PDE3A: variants seen among roughly 807,000 people sequenced by gnomAD.
PDE3A encodes the protein cGMP-inhibited 3',5'-cyclic phosphodiesterase 3A.
PDE3A carries 43 observed loss-of-function variants against 98.3 expected under a neutral mutation model. That is an observed-to-expected ratio of 0.44 (90% CI 0.34 to 0.56). The LOEUF (loss-of-function observed/expected upper bound fraction) is 0.56. Ranked by LOEUF, PDE3A falls within the 20% of genes least tolerant of loss-of-function variation. The pLI, the probability that PDE3A is intolerant of heterozygous loss-of-function variation, is 0.01. For missense variants in PDE3A, 1,427 were observed against 1,440.7 expected (o/e 0.99, Z 0.15); for synonymous variants, 663 against 567.9 (o/e 1.17, Z -2.38).
chr12:20,439,488 A>G (rs545574516), intron 1 of PDE3A, among the ~76,000 whole-genome samples: 2 of 152,306 alleles, frequency 1.3e-5, no homozygotes, highest in East Asian at 3.9e-4. Flanking sequence ...CTACGGTAGC[A>G]TTTGAGGAAA....
intron 1 of PDE3A, among the ~76,000 whole-genome samples, chr12:20,394,203 A>G (rs1271249273): frequency 6.6e-6 from 1 of 151,984 alleles, no homozygotes; most frequent in African/African-American, 2.4e-5. Flanking sequence ...GGTCATTTAG[A>G]TTTTACTTTT....
rs1324237250 is a variant in PDE3A at position 20,634,869 on chromosome 12, A to T, written c.1847-33A>T. 4 of 1,556,436 alleles carry T rather than the reference A, an allele frequency of 2.6e-6. No homozygotes were observed. In the East Asian group the frequency reaches 9.0e-5, roughly 35 times the overall value. On this transcript the variant is annotated intron_variant, in intron 7 of 15. Transcript: ENST00000359062. The stretch of plus-strand genomic sequence containing the variant: ...AATGAGCCCCCTTTCCCCATTGTAG[A>T]TCTTGTAATAAGTTGTTCTCTTTTA...
intron 9 of PDE3A, among the ~76,000 whole-genome samples, chr12:20,638,599 C>T (rs963966272): frequency 2.0e-5 from 3 of 152,066 alleles, no homozygotes; most frequent in African/African-American, 7.2e-5. Context: ...CTTTAGGGAT[C>T]CCCCTGGGAG....
intron 15 of PDE3A, 29 bp from the exon 16 acceptor site, chr12:20,680,001 T>C (rs1188269916): frequency 1.3e-6 from 2 of 1,535,724 alleles, no homozygotes; most frequent in East Asian, 2.4e-5. Flanking sequence ...AGTAGTCTGA[T>C]TTGGTGTTTT....
Position 20,400,417 on chromosome 12 carries a change from T to C in PDE3A, c.960+30173T>C, listed in dbSNP as rs1365421544. On this transcript the variant is annotated intron_variant, in intron 1 of 15. Coordinates refer to ENST00000359062, the MANE Select transcript of PDE3A (RefSeq NM_000921.5). ...TTTTTTTTTTTTTTTTTTTTTTTTT[T>C]TTTTTTTGAGATGGAGTCTCGATCT... Among the ~76,000 whole-genome samples, 3 of 57,190 alleles carry C rather than the reference T, an allele frequency of 5.2e-5. No homozygotes were observed. The East Asian group carries it at 2.0e-3, about 37-fold the overall frequency. 37.5% of individuals were successfully genotyped at this position (57,190 alleles called of 152,430 possible). A position where few individuals can be genotyped will look rare whatever the true frequency, so the allele number is the denominator to read the frequency against.
At chr12:20,554,189 A>T (rs549593971) in intron 1 of PDE3A, among the ~76,000 whole-genome samples, 1 of 151,594 alleles carries the variant, frequency 6.6e-6, no homozygotes, top group African/African-American at 2.4e-5. Flanking sequence ...TTTAAATCAC[A>T]TACCTGCAGA....
chr12:20,546,290 C>T (rs1442838346), intron 1 of PDE3A, among the ~76,000 whole-genome samples: 2 of 151,826 alleles, frequency 1.3e-5, no homozygotes, highest in African/African-American at 4.8e-5. Context: ...CAAATGCAGA[C>T]TTCCACTCTT....
intron 1 of PDE3A, among the ~76,000 whole-genome samples, chr12:20,508,017 G>C (rs1323290778): frequency 1.3e-5 from 2 of 152,010 alleles, no homozygotes; most frequent in African/African-American, 4.8e-5. Context: ...TTGCCTACAT[G>C]GCCTGTGCAA....
At chr12:20,471,875 G>T (rs1945445490) in intron 1 of PDE3A, among the ~76,000 whole-genome samples, 1 of 151,960 alleles carries the variant, frequency 6.6e-6, no homozygotes. Flanking sequence ...CAGCTACTGT[G>T]TTGGCACTCA....
At chr12:20,665,201 G>A (rs1022024103) in intron 15 of PDE3A, among the ~76,000 whole-genome samples, 4 of 152,246 alleles carry the variant, frequency 2.6e-5, no homozygotes, top group Admixed American at 2.6e-4. Flanking sequence ...CTGCTGGCAA[G>A]CATCATATTT....
chr12:20,627,634 C>A (rs1944295569), intron 5 of PDE3A, among the ~76,000 whole-genome samples: 1 of 152,046 alleles, frequency 6.6e-6, no homozygotes, highest in Admixed American at 6.6e-5. Flanking sequence ...CTGTTCTTCC[C>A]TGCCTTCTAC....
chr12:20,599,564 T>A (rs1034036508), intron 2 of PDE3A, among the ~76,000 whole-genome samples: 2 of 152,196 alleles, frequency 1.3e-5, no homozygotes, highest in Non-Finnish European at 2.9e-5. Flanking sequence ...GTTTAACTTC[T>A]CACCTATAAA....
intron 1 of PDE3A, among the ~76,000 whole-genome samples, chr12:20,425,947 A>G (rs11045235): frequency 0.21 from 32,335 of 152,148 alleles, 3,608 homozygotes; most frequent in Non-Finnish European, 0.23. Flanking sequence ...TTAAATGTGT[A>G]TGACACCTAT....
intron 2 of PDE3A, among the ~76,000 whole-genome samples, chr12:20,580,155 A>G (rs1391873080): frequency 1.3e-5 from 2 of 152,190 alleles, no homozygotes; most frequent in African/African-American, 4.8e-5. Context: ...CCCATGATAG[A>G]TTAATCATGT....
chr12:20,473,965 A>C (rs536413117), intron 1 of PDE3A, among the ~76,000 whole-genome samples: 2 of 152,306 alleles, frequency 1.3e-5, no homozygotes, highest in East Asian at 3.9e-4. Context: ...CTTTTAGTGC[A>C]CATGTACAAG....
At chr12:20,527,371 T>A (rs749984353) in intron 1 of PDE3A, among the ~76,000 whole-genome samples, 2 of 152,198 alleles carry the variant, frequency 1.3e-5, no homozygotes, top group African/African-American at 2.4e-5. Context: ...TGAATGATAA[T>A]GTTTGTACAA....
At chr12:20,441,358 G>C (rs1471776994) in intron 1 of PDE3A, among the ~76,000 whole-genome samples, 1 of 152,142 alleles carries the variant, frequency 6.6e-6, no homozygotes. Context: ...ACCTGAGAAA[G>C]ACGTAGTCGA....
At chr12:20,462,116 T>A (rs927408830) in intron 1 of PDE3A, among the ~76,000 whole-genome samples, 3 of 152,186 alleles carry the variant, frequency 2.0e-5, no homozygotes, top group African/African-American at 7.2e-5. Flanking sequence ...GTTGAAAATA[T>A]GAGAAAAGTG....
chr12:20,379,932 C>G (rs192888164), intron 1 of PDE3A, among the ~76,000 whole-genome samples: 24 of 151,684 alleles, frequency 1.6e-4, no homozygotes, highest in African/African-American at 5.1e-4. Flanking sequence ...CCAAAGCTAC[C>G]ACCAAGATCA....
Sources: gnomAD v4.1 joint callset for allele counts (sites outside exome capture counted in the v4.1 genomes callset) on GRCh38, gnomAD v4.1.1 for gene constraint, MANE v1.5 for transcripts, NCBI Gene and HGNC (gene_info 2026-07-23, HGNC 2026-07-21) for gene names.